Variants in ATL1 observed in about 807,000 individuals in gnomAD.
ATL1 encodes the protein atlastin GTPase 1.
In ATL1, 31 loss-of-function variants were observed where a neutral mutation model predicts 75.5. The observed-to-expected ratio is 0.41, with a 90% confidence interval of 0.31 to 0.55. The LOEUF is 0.55. Ranked by LOEUF, ATL1 falls within the 20% of genes least tolerant of loss-of-function variation. The pLI, the probability that ATL1 is intolerant of heterozygous loss-of-function variation, is 0.27. For missense variants in ATL1, 405 were observed against 662.6 expected, an observed-to-expected ratio of 0.61 and a Z score of 4.27; for synonymous variants, 226 against 233.3, an observed-to-expected ratio of 0.97 and a Z score of 0.28.
At chr14:50,581,803 T>C (rs113503415) in intron 1 of ATL1, among the ~76,000 whole-genome samples, 10 of 152,188 alleles carry the variant, frequency 6.6e-5, no homozygotes, top group Admixed American at 5.2e-4. Flanking sequence ...AATTACTAGA[T>C]GTCAGATAGG....
chr14:50,553,992 G>A (rs2038735431), intron 1 of ATL1, among the ~76,000 whole-genome samples: 1 of 152,028 alleles, frequency 6.6e-6, no homozygotes, highest in South Asian at 2.1e-4. Context: ...TACATATTTG[G>A]TACAGTATAC....
intron 6 of ATL1, among the ~76,000 whole-genome samples, chr14:50,596,397 A>G (rs2039217709): frequency 6.6e-6 from 1 of 152,236 alleles, no homozygotes; most frequent in African/African-American, 2.4e-5. Flanking sequence ...AAATCCACTG[A>G]AACACAGCTC....
chr14:50,564,573 C>T lies in ATL1; in HGVS notation c.34+4274C>T, dbSNP rs940261813. Among the ~76,000 whole-genome samples the T allele has an allele frequency of 7.1e-5, 10 of 140,824 alleles. No individual in the cohort carries two copies. The South Asian group carries it at 1.2e-3, about 17-fold the overall frequency. 92.4% of individuals were successfully genotyped at this position (140,824 alleles called of 152,430 possible). ...CTGAGGCAGGAGAATCGCTTGAACCCGGGAGGCGGAGGTTGCAGTGAGCCA... is the reference window on the plus strand; with the variant it reads ...CTGAGGCAGGAGAATCGCTTGAACCTGGGAGGCGGAGGTTGCAGTGAGCCA... On this transcript the variant is annotated intron_variant, in intron 1 of 13. Coordinates refer to ENST00000358385, the MANE Select transcript of ATL1 (RefSeq NM_015915.5).
rs201580688 is a variant in ATL1 at position 50,587,973 on chromosome 14, G to T, written c.177G>T (p.Ser59=). ...CTGCATTAAATCGGATCCTTCTCTC[G>T]GAGGCTGTCAGAGACAAGGAGGTTG... ...DETALNRILL[S]EAVRDKEVVA... is the part of the protein sequence containing the mutation. Residue 59 remains serine (S), a synonymous_variant, in exon 2 of 14, where the codon TCG becomes TCT. Coordinates refer to ENST00000358385, the MANE Select transcript of ATL1 (RefSeq NM_015915.5). 1 of 1,614,164 alleles carries T rather than the reference G, an allele frequency of 6.2e-7. No homozygotes were observed. Among genetic ancestry groups the T allele is most frequent in the Non-Finnish European group, 8.5e-7 (1 of 1,180,038 alleles).
rs2039592740 is a variant in ATL1 at position 50,632,516 on chromosome 14, T to A, written c.*177T>A. 1 of 521,522 alleles carries A rather than the reference T, an allele frequency of 1.9e-6. No individual in the cohort carries two copies. 32.3% of individuals were successfully genotyped at this position (521,522 alleles called of 1,614,324 possible). On this transcript the variant is annotated 3_prime_UTR_variant, in exon 14 of 14. Coordinates refer to ENST00000358385, the MANE Select transcript of ATL1 (RefSeq NM_015915.5). ...AGTGTTTAATAAGCAGATGTATGTA[T>A]GCATGGTTATACTATTTTGTTAACA...
upstream of ATL1, among the ~76,000 whole-genome samples, chr14:50,556,686 A>G (rs1173580048): frequency 6.6e-6 from 1 of 152,022 alleles, no homozygotes; most frequent in African/African-American, 2.4e-5. Flanking sequence ...CAATTAATCT[A>G]CTTTCTGCCT....
At chr14:50,560,598 C>T in intron 1 of ATL1, 1 of 446,600 alleles carries the variant, frequency 2.2e-6, no homozygotes, top group Middle Eastern at 6.4e-4. Context: ...CACCAGGCGC[C>T]TCCGGGGACT....
In ATL1 at chr14:50,628,075, G is replaced by A. The variant is rs747137350; in HGVS notation, c.1164G>A (p.Gln388=). 1 of 1,614,138 alleles carries A rather than the reference G, an allele frequency of 6.2e-7. No individual in the cohort carries two copies. The highest frequency in any genetic ancestry group is 8.5e-7 in the Non-Finnish European group (1 of 1,180,018). ...DKPFLAPNDL[Q]TKHLQLKEES... is the part of the protein sequence containing the mutation. ...CATTTCTGGCCCCAAATGACTTGCA[G>A]ACCAAACACCTGCAACTTAAGGAAG... The change falls in exon 12 of 14, where the codon CAG becomes CAA. Residue 388 remains glutamine, a synonymous_variant. Coordinates refer to ENST00000358385, the MANE Select transcript of ATL1 (RefSeq NM_015915.5).
intron 6 of ATL1, among the ~76,000 whole-genome samples, chr14:50,599,221 G>A (rs2039249019): frequency 6.6e-6 from 1 of 152,102 alleles, no homozygotes; most frequent in African/African-American, 2.4e-5. Flanking sequence ...ACTTTTGCAA[G>A]TAACCAAAAC....
At chr14:50,538,926 C>T (rs903085952) in intron 1 of ATL1, among the ~76,000 whole-genome samples, 2 of 152,194 alleles carry the variant, frequency 1.3e-5, no homozygotes, top group Non-Finnish European at 2.9e-5. Flanking sequence ...CTCAAGCAAT[C>T]GACCTACCTC....
At chr14:50,596,218 C>T (rs975376787) in intron 6 of ATL1, among the ~76,000 whole-genome samples, 4 of 151,978 alleles carry the variant, frequency 2.6e-5, no homozygotes, top group Non-Finnish European at 5.9e-5. Flanking sequence ...CCTGTAATCC[C>T]AGCTACTCGG....
intron 1 of ATL1, chr14:50,571,981 G>T (rs570687069): frequency 4.6e-5 from 21 of 459,410 alleles, no homozygotes; most frequent in Non-Finnish European, 7.1e-5. Flanking sequence ...ATATTGTTTT[G>T]TTGCCCGCTA....
At chr14:50,550,030 A>G (rs1326573817) in intron 1 of ATL1, among the ~76,000 whole-genome samples, 3 of 152,206 alleles carry the variant, frequency 2.0e-5, no homozygotes, top group Admixed American at 6.5e-5. Flanking sequence ...CGATGGCTAC[A>G]TGGACCTTCA....
chr14:50,595,652 T>C lies in ATL1; in HGVS notation c.630+20T>C, dbSNP rs768171356. 35 of 1,611,178 alleles carry C rather than the reference T, an allele frequency of 2.2e-5. No individual in the cohort carries two copies. The Admixed American group carries it at 5.5e-4, about 25-fold the overall frequency. ...TTTCAGGTGAGCGAGTGTTAAATGA[T>C]GGTAAATTCTTACTAGATTTTCCTG... On this transcript the variant is annotated intron_variant, in intron 6 of 13. Coordinates refer to ENST00000358385, the MANE Select transcript of ATL1 (RefSeq NM_015915.5).
intron 1 of ATL1, chr14:50,571,874 G>C (rs1426740405): frequency 1.1e-5 from 2 of 188,650 alleles, no homozygotes; most frequent in Non-Finnish European, 2.2e-5. Context: ...AGGCCCTTTG[G>C]AGAGGCGACA....
intron 6 of ATL1, among the ~76,000 whole-genome samples, chr14:50,598,980 C>CT (rs34086385): frequency 2.0e-5 from 3 of 152,078 alleles, no homozygotes; most frequent in African/African-American, 7.2e-5. Context: ...CAAGTTAAAA[C>CT]TATAAAGCTA....
intron 6 of ATL1, among the ~76,000 whole-genome samples, chr14:50,596,632 T>G (rs2140210798): frequency 1.3e-5 from 2 of 152,344 alleles, no homozygotes; most frequent in South Asian, 4.1e-4. Context: ...ACTGACCTCA[T>G]TCTGTCATCA....
chr14:50,565,639 C>G (rs1044258442), intron 1 of ATL1, among the ~76,000 whole-genome samples: 1 of 152,132 alleles, frequency 6.6e-6, no homozygotes, highest in Non-Finnish European at 1.5e-5. Context: ...TTATACTTAA[C>G]ATCTGCTTAC....
At chr14:50,591,966 G>A (rs902094130) in intron 4 of ATL1, 1 of 229,570 alleles carries the variant, frequency 4.4e-6, no homozygotes, top group Non-Finnish European at 8.6e-6. Flanking sequence ...ACCATCTATT[G>A]TAAGTTATGT....
Sources: allele counts gnomAD v4.1 joint callset (sites outside exome capture counted in the v4.1 genomes callset), GRCh38; gene constraint gnomAD v4.1.1; transcripts MANE v1.5; gene names NCBI Gene and HGNC (gene_info 2026-07-23, HGNC 2026-07-21).